GRIK2: variants seen among roughly 807,000 people sequenced by gnomAD.
GRIK2 encodes the protein glutamate ionotropic receptor kainate type subunit 2.
Under a neutral mutation model 100.3 loss-of-function variants are expected in GRIK2, and 32 were observed. The observed-to-expected ratio is 0.32, with a 90% CI of 0.24 to 0.43. The LOEUF is 0.43. Ranked by LOEUF, GRIK2 falls within the 20% of genes least tolerant of loss-of-function variation. GRIK2 has a pLI of 1.00. For missense variants in GRIK2, 843 were observed against 1,114.9 expected, an observed-to-expected ratio of 0.76 and a Z score of 3.47; for synonymous variants, 417 against 389.4, an observed-to-expected ratio of 1.07 and a Z score of -0.83.
At chr6:101,765,719 C>T (rs759785383) in intron 7 of GRIK2, among the ~76,000 whole-genome samples, 6 of 152,166 alleles carry the variant, frequency 3.9e-5, no homozygotes, top group South Asian at 2.1e-4. Flanking sequence ...TCCCTCTCCA[C>T]GAAGCGGAAA....
chr6:101,413,452 C>A (rs993226212), intron 2 of GRIK2, among the ~76,000 whole-genome samples: 2 of 152,052 alleles, frequency 1.3e-5, no homozygotes, highest in Admixed American at 1.3e-4. Flanking sequence ...AATATTTATT[C>A]AGCATTGGTG....
intron 9 of GRIK2, among the ~76,000 whole-genome samples, chr6:101,813,291 A>G (rs1446814684): frequency 2.0e-5 from 3 of 152,190 alleles, no homozygotes; most frequent in Non-Finnish European, 4.4e-5. Flanking sequence ...AGCAACATTA[A>G]TACTAGAGAA....
Position 101,949,199 on chromosome 6 carries a change from AT to A in GRIK2, c.2085+20579del, listed in dbSNP as rs747370673. On this transcript the variant is annotated intron_variant, in intron 14 of 16. Coordinates refer to ENST00000369134, the MANE Select transcript of GRIK2 (RefSeq NM_021956.5). ...TTGTTGTTGTTGTTGTGTTTTTGCG[AT>A]TTTTTTTTTTTGTGGGTACCAACAC... Among the ~76,000 whole-genome samples the A allele has an allele frequency of 1.9e-3, 262 of 134,850 alleles. 1 individual carries two copies. Among genetic ancestry groups the A allele is most frequent in the East Asian group, 0.019 (91 of 4,910 alleles). The allele number at this position is 134,850 out of a possible 152,430, so 88.5% of individuals were successfully genotyped here.
intron 10 of GRIK2, among the ~76,000 whole-genome samples, chr6:101,820,460 C>T (rs1391179843): frequency 7.5e-6 from 1 of 133,068 alleles, no homozygotes. Flanking sequence ...CCTCCTCCTT[C>T]TTCTTCGATG....
chr6:101,578,696 A>G (rs1777903180), intron 2 of GRIK2, among the ~76,000 whole-genome samples: 1 of 152,110 alleles, frequency 6.6e-6, no homozygotes, highest in Non-Finnish European at 1.5e-5. Context: ...CCCCACCTGA[A>G]TATTCCTCTT....
chr6:101,680,170 G>T (rs1481102653), intron 5 of GRIK2, among the ~76,000 whole-genome samples: 1 of 152,176 alleles, frequency 6.6e-6, no homozygotes, highest in Non-Finnish European at 1.5e-5. Flanking sequence ...TCAAGGTGAT[G>T]AAGAAAAACC....
intron 14 of GRIK2, among the ~76,000 whole-genome samples, chr6:101,933,034 CTGAATCGT>C (rs1562495441): frequency 6.6e-6 from 1 of 151,962 alleles, no homozygotes; most frequent in African/African-American, 2.4e-5. Flanking sequence ...TCTCTTCAGA[CTGAATCGT>C]TGCTACTTTG....
At chr6:101,969,304 C>T (rs1792889278) in intron 14 of GRIK2, among the ~76,000 whole-genome samples, 1 of 151,756 alleles carries the variant, frequency 6.6e-6, no homozygotes, top group Non-Finnish European at 1.5e-5. Flanking sequence ...TGAAAGTATG[C>T]TAGAAGTTAT....
chr6:101,707,600 ATGTG>A lies in GRIK2; in HGVS notation c.951+21251_951+21254del, dbSNP rs1222407526. Among the ~76,000 whole-genome samples, 170 of 122,118 alleles carry A rather than the reference ATGTG, an allele frequency of 1.4e-3. 2 individuals are homozygous for A. Among genetic ancestry groups the A allele is most frequent in the African/African-American group, 4.5e-3 (135 of 30,260 alleles). 80.1% of individuals were successfully genotyped at this position (122,118 alleles called of 152,430 possible). On this transcript the variant is annotated intron_variant, in intron 7 of 16. Coordinates refer to ENST00000369134, the MANE Select transcript of GRIK2 (RefSeq NM_021956.5). Reference sequence around the variant, plus strand: ...TATGTGTGTGTGTGTGTGTGTATATATGTGTGTATATATATATATATATATATGA... The same window carrying A: ...TATGTGTGTGTGTGTGTGTGTATATATGTATATATATATATATATATATGA...
chr6:101,744,541 T>TATACACAC (rs1554257098), intron 7 of GRIK2: 2 of 123,116 alleles, frequency 1.6e-5, no homozygotes, highest in African/African-American at 6.7e-5. Context: ...TATATATATA[T>TATACACAC]ATATATATAT....
chr6:101,700,880 T>A (rs1409830438), intron 7 of GRIK2, among the ~76,000 whole-genome samples: 2 of 152,056 alleles, frequency 1.3e-5, no homozygotes, highest in Non-Finnish European at 2.9e-5. Flanking sequence ...AATGATTGAA[T>A]GGGAAGATCT....
At chr6:102,016,571 AT>A (rs954601828) in intron 14 of GRIK2, among the ~76,000 whole-genome samples, 10 of 151,184 alleles carry the variant, frequency 6.6e-5, no homozygotes, top group Admixed American at 1.3e-4. Context: ...TTCAAAAAAA[AT>A]TTAAAAAAAA....
At chr6:101,400,298 G>A (rs1775224282) in intron 2 of GRIK2, among the ~76,000 whole-genome samples, 1 of 152,146 alleles carries the variant, frequency 6.6e-6, no homozygotes, top group African/African-American at 2.4e-5. Context: ...CTAAACGTGG[G>A]ATTCCAGTGG....
At chr6:101,618,348 G>C (rs1779995078) in intron 2 of GRIK2, among the ~76,000 whole-genome samples, 1 of 151,456 alleles carries the variant, frequency 6.6e-6, no homozygotes, top group African/African-American at 2.4e-5. Context: ...TTTTTCATCA[G>C]ATACTATTTC....
At chr6:101,523,743 G>A (rs998483749) in intron 2 of GRIK2, among the ~76,000 whole-genome samples, 4 of 105,900 alleles carry the variant, frequency 3.8e-5, no homozygotes, top group African/African-American at 1.3e-4. Context: ...TTTTTTTGAT[G>A]GAGTCTCACT....
At chr6:101,933,252 C>T (rs1319759816) in intron 14 of GRIK2, among the ~76,000 whole-genome samples, 1 of 151,808 alleles carries the variant, frequency 6.6e-6, no homozygotes, top group Non-Finnish European at 1.5e-5. Flanking sequence ...AGTTTTATCC[C>T]CTCTACATCA....
chr6:101,426,666 G>A (rs1243070314), intron 2 of GRIK2, among the ~76,000 whole-genome samples: 1 of 152,130 alleles, frequency 6.6e-6, no homozygotes, highest in East Asian at 1.9e-4. Context: ...CTCAAATGGT[G>A]TAGCCCCTGT....
intron 2 of GRIK2, among the ~76,000 whole-genome samples, chr6:101,409,161 A>T (rs984276442): frequency 6.7e-6 from 1 of 149,328 alleles, no homozygotes; most frequent in African/African-American, 2.5e-5. Context: ...TGTACAGTTA[A>T]GATTATAATA....
In GRIK2 at chr6:101,445,621, AG is replaced by A. The variant is rs1770331388; in HGVS notation, c.115+46230del. On this transcript the variant is annotated intron_variant, in intron 2 of 16. Coordinates refer to ENST00000369134, the MANE Select transcript of GRIK2 (RefSeq NM_021956.5). ...TTTTCTTTCATCTTTCCATTGCCCT[AG>A]TTATTCTCCTGTGTCTTTTGTAATG... Among the ~76,000 whole-genome samples, 3 of 152,094 alleles carry A rather than the reference AG, an allele frequency of 2.0e-5. No individual in the cohort carries two copies. The South Asian group carries it at 6.2e-4, about 32-fold the overall frequency.
Sources: gnomAD v4.1 joint callset for allele counts (sites outside exome capture counted in the v4.1 genomes callset) on GRCh38, gnomAD v4.1.1 for gene constraint, MANE v1.5 for transcripts, NCBI Gene and HGNC (gene_info 2026-07-23, HGNC 2026-07-21) for gene names.